LUZP1: variants seen among roughly 807,000 people sequenced by gnomAD.
LUZP1 encodes the protein leucine zipper protein 1, also known as filamin mechanobinding actin cross-linking protein.
Under a neutral mutation model 71.3 loss-of-function variants are expected in LUZP1, and 25 were observed. That is an observed-to-expected ratio of 0.35 (90% confidence interval 0.26 to 0.49). LUZP1 has a LOEUF of 0.49. LUZP1 is among the 20% of genes least tolerant of loss of function. LUZP1 has a pLI of 0.99. For missense variants in LUZP1, 1,142 were observed against 1,300.8 expected, an observed-to-expected ratio of 0.88 and a Z score of 1.88; for synonymous variants, 481 against 506.4, an observed-to-expected ratio of 0.95 and a Z score of 0.67.
At chr1:23,151,968 C>T (rs1644388226) in intron 2 of LUZP1, among the ~76,000 whole-genome samples, 2 of 149,766 alleles carry the variant, frequency 1.3e-5, no homozygotes, top group African/African-American at 4.9e-5. Context: ...CGCCACTGCA[C>T]TCCAACCTGG....
In LUZP1 at chr1:23,093,808, A is replaced by C. The variant is rs374674969; in HGVS notation, c.454T>G (p.Ser152Ala). Reference sequence around the variant, plus strand: ...ACTCTGAGCATTTCCAGCTCAGAGGAGATTTTCTTGGTCAGATTTCTCTCC... The same window carrying C: ...ACTCTGAGCATTTCCAGCTCAGAGGCGATTTTCTTGGTCAGATTTCTCTCC... The change falls in exon 4 of 5, where the codon TCC (serine) becomes GCC (alanine). Residue 152 changes from serine (S) to alanine (A), a missense_variant. Transcript: ENST00000302291. This position sits in a 1 kb window ranked among gnomAD's most constrained non-coding sequence, Gnocchi z 4.2. The C allele has an allele frequency of 6.2e-7, 1 of 1,613,846 alleles. No homozygotes were observed. The highest frequency in any genetic ancestry group is 8.5e-7 in the Non-Finnish European group (1 of 1,179,972).
chr1:23,129,014 T>C (rs1644194085), intron 2 of LUZP1, among the ~76,000 whole-genome samples: 1 of 152,300 alleles, frequency 6.6e-6, no homozygotes, highest in African/African-American at 2.4e-5. Flanking sequence ...TATGCAACAA[T>C]CTTTAAAGGC....
At chr1:23,108,878 G>C (rs189639197) in intron 3 of LUZP1, 144 bp downstream of exon 2, 60 of 152,254 alleles carry the variant, frequency 3.9e-4, no homozygotes, top group African/African-American at 1.3e-3. Context: ...GGTTGGTTAA[G>C]TACTCAGCAT....
chr1:23,102,871 A>G (rs571164551), intron 3 of LUZP1, among the ~76,000 whole-genome samples: 5 of 152,324 alleles, frequency 3.3e-5, no homozygotes, highest in Non-Finnish European at 7.4e-5. Flanking sequence ...TCTCTGATCT[A>G]AAGGATAATA....
chr1:23,151,201 T>C (rs1644380654), intron 2 of LUZP1, among the ~76,000 whole-genome samples: 1 of 152,118 alleles, frequency 6.6e-6, no homozygotes, highest in Non-Finnish European at 1.5e-5. Context: ...CCCGCCATCA[T>C]GCCTGGTTAA....
chr1:23,084,754 G>C (rs1318056139), exon 5 of LUZP1: 1 of 151,938 alleles, frequency 6.6e-6, no homozygotes, highest in Non-Finnish European at 1.5e-5. Flanking sequence ...CTTAGAATTC[G>C]TGGCAGTAAT....
At chr1:23,101,935 T>C (rs1184511789) in intron 3 of LUZP1, among the ~76,000 whole-genome samples, 1 of 152,158 alleles carries the variant, frequency 6.6e-6, no homozygotes, top group South Asian at 2.1e-4. Context: ...TAAGGAATCA[T>C]ACAGATATAA....
At chr1:23,173,350 C>CTTTTTTTTTTTTTTTTTTTTTTT (rs869169060) in intron 1 of LUZP1, among the ~76,000 whole-genome samples, 6 of 80,358 alleles carry the variant, frequency 7.5e-5, no homozygotes, top group Non-Finnish European at 1.4e-4. Flanking sequence ...TTTGTTTTTT[C>CTTTTTTTTTTTTTTTTTTTTTTT]TTTTTTTTTT....
In LUZP1 at chr1:23,091,255, GCA is replaced by G; in HGVS notation, c.3005_3006del (p.Val1002AlafsTer45). 6.2e-7 allele frequency: 1 copy of G among 1,613,984 alleles called. No individual in the cohort carries two copies. The highest frequency in any genetic ancestry group is 8.5e-7 in the Non-Finnish European group (1 of 1,179,960). On this transcript the variant is annotated frameshift_variant, in exon 4 of 5. Transcript: ENST00000302291. LOFTEE classifies it high-confidence loss of function. Reference sequence around the variant, plus strand: ...TCTCCTACCCGATTCCGACGGGTAAGCACCTCTGACACAGTGAGGCTACTTTG... The same window carrying G: ...TCTCCTACCCGATTCCGACGGGTAAGCCTCTGACACAGTGAGGCTACTTTG...
chr1:23,089,188 G>T, intron 4 of LUZP1, 135 bp from the exon 4 acceptor site: 1 of 762,098 alleles, frequency 1.3e-6, no homozygotes, highest in Non-Finnish European at 2.1e-6. Context: ...TAAGTTAACT[G>T]CAAAGATATG....
At chr1:23,103,695 G>A (rs1434600433) in intron 3 of LUZP1, among the ~76,000 whole-genome samples, 1 of 151,690 alleles carries the variant, frequency 6.6e-6, no homozygotes, top group Non-Finnish European at 1.5e-5. Flanking sequence ...TTACCAGAAA[G>A]TAGGATGCAT....
At chr1:23,136,420 T>A (rs1355280755) in intron 2 of LUZP1, among the ~76,000 whole-genome samples, 1 of 151,022 alleles carries the variant, frequency 6.6e-6, no homozygotes, top group Admixed American at 6.6e-5. Context: ...GGTCCTGTAG[T>A]AAGAACAAAT....
exon 4 of LUZP1, chr1:23,092,373 G>A: frequency 1.2e-6 from 2 of 1,614,194 alleles, no homozygotes; most frequent in South Asian, 1.1e-5. Context: ...AACTGCTGCA[G>A]GTTGATTAAC....
rs1569852552 is a variant in LUZP1, at chr1:23,089,144, A to C, written c.3073-91T>G. 3 of 1,283,066 alleles carry C rather than the reference A, an allele frequency of 2.3e-6. No individual in the cohort carries two copies. The South Asian group carries it at 4.0e-5, about 17-fold the overall frequency. 79.5% of individuals were successfully genotyped at this position (1,283,066 alleles called of 1,614,324 possible). ...CTGCTACCATAGTGGGTCCTTTCCA[A>C]CCCAGCAGAGGCAGATATAGCCCAG... On this transcript the variant is annotated intron_variant, in intron 4 of 4. Coordinates refer to ENST00000302291, the Ensembl canonical transcript of LUZP1.
exon 4 of LUZP1, chr1:23,092,768 G>A (rs477717): frequency 0.8 from 1,292,438 of 1,612,692 alleles, 524,410 homozygotes; most frequent in Non-Finnish European, 0.84. Flanking sequence ...CCTTCAGTCC[G>A]CTCTCGGTGC....
chr1:23,167,092 AAAG>A (rs1249345644), intron 2 of LUZP1, among the ~76,000 whole-genome samples: 2 of 152,214 alleles, frequency 1.3e-5, no homozygotes, highest in African/African-American at 4.8e-5. Context: ...ATTTCTGACA[AAAG>A]AAGAATTTTC....
chr1:23,139,019 A>AAAAAAAAAAATATATAT (rs1317355746), intron 2 of LUZP1, among the ~76,000 whole-genome samples: 5 of 59,954 alleles, frequency 8.3e-5, no homozygotes, highest in African/African-American at 1.9e-4. Context: ...AAAAAAAAAA[A>AAAAAAAAAAATATATAT]ATATATATAT....
chr1:23,156,112 A>G (rs1025658015), intron 2 of LUZP1, among the ~76,000 whole-genome samples: 1 of 152,150 alleles, frequency 6.6e-6, no homozygotes, highest in East Asian at 1.9e-4. Context: ...CAGGCACGGT[A>G]GCTCACACCT....
Position 23,094,151 on chromosome 1 carries a change from G to A in LUZP1, c.111C>T (p.Leu37=). The change falls in exon 4 of 5, where the codon CTC becomes CTT. Residue 37 remains leucine (L), a synonymous_variant. Transcript: ENST00000302291. This position sits in a 1 kb window ranked among gnomAD's most constrained non-coding sequence, Gnocchi z 4.7. ...CCAGGAGTTCATCCTCTGCTTTCTG[G>A]AGGTTTTTTGTGGCTTCCTCCAACT... 2 of 1,614,134 alleles carry A rather than the reference G, an allele frequency of 1.2e-6. No individual in the cohort carries two copies. Among genetic ancestry groups the A allele is most frequent in the Non-Finnish European group, 1.7e-6 (2 of 1,180,020 alleles).
Sources: gnomAD v4.1 joint callset for allele counts (sites outside exome capture counted in the v4.1 genomes callset) on GRCh38, gnomAD v4.1.1 for gene constraint, Gnocchi (gnomAD v3.1) non-coding constraint, MANE v1.5 for transcripts, NCBI Gene and HGNC (gene_info 2026-07-23, HGNC 2026-07-21) for gene names.